Variants in SLC45A4 observed in about 807,000 individuals in gnomAD.
SLC45A4 encodes polyamine-transporter SLC45A4.
A neutral mutation model predicts 63.7 loss-of-function variants in SLC45A4; 32 were observed. The observed-to-expected ratio is 0.50, with a 90% CI of 0.38 to 0.67. The LOEUF is 0.67. Ranked by LOEUF, SLC45A4 falls within the 30% of genes least tolerant of loss-of-function variation. SLC45A4 has a pLI of 0.00. For missense variants in SLC45A4, 1,027 were observed against 1,157.7 expected (o/e 0.89, Z 1.64); for synonymous variants, 535 against 510.0 (o/e 1.05, Z -0.66).
chr8:141,287,685 T>C (rs1313166066), intron 1 of SLC45A4, among the ~76,000 whole-genome samples: 1 of 152,236 alleles, frequency 6.6e-6, no homozygotes, highest in East Asian at 1.9e-4. Context: ...AAGTGCCTCC[T>C]TTCACCTGCC....
At chr8:141,303,686 A>G (rs1830816194) in intron 1 of SLC45A4, among the ~76,000 whole-genome samples, 1 of 152,218 alleles carries the variant, frequency 6.6e-6, no homozygotes, top group African/African-American at 2.4e-5. Context: ...AAAAACTCAG[A>G]GCAAGTAGCA....
chr8:141,220,355 G>A (rs1477512393), intron 3 of SLC45A4, among the ~76,000 whole-genome samples: 1 of 152,222 alleles, frequency 6.6e-6, no homozygotes, highest in African/African-American at 2.4e-5. Context: ...TTGCACACAA[G>A]TTCTCGGGGC....
At chr8:141,248,081 G>A (rs999131034) in intron 2 of SLC45A4, among the ~76,000 whole-genome samples, 1 of 152,158 alleles carries the variant, frequency 6.6e-6, no homozygotes, top group Non-Finnish European at 1.5e-5. Flanking sequence ...TTCAGGCCCA[G>A]GAGTTGAAGC....
chr8:141,223,823 C>T (rs574457086), intron 2 of SLC45A4, among the ~76,000 whole-genome samples: 7 of 152,326 alleles, frequency 4.6e-5, no homozygotes, highest in Non-Finnish European at 1.0e-4. Flanking sequence ...CTGCTCACTC[C>T]TCTCTCTCCA....
At chr8:141,279,058 A>G (rs1473460552) in intron 1 of SLC45A4, among the ~76,000 whole-genome samples, 1 of 151,716 alleles carries the variant, frequency 6.6e-6, no homozygotes, top group Non-Finnish European at 1.5e-5. Flanking sequence ...TCCAGCCTTC[A>G]CCCCAAGACC....
chr8:141,301,738 A>AAAAAAAAAAAAAAAAAAG (rs1830751567), intron 1 of SLC45A4, among the ~76,000 whole-genome samples: 1 of 63,118 alleles, frequency 1.6e-5, no homozygotes, highest in Non-Finnish European at 4.0e-5. Flanking sequence ...CTATCTCAAA[A>AAAAAAAAAAAAAAAAAAG]AAAAAAAAAA....
In SLC45A4 at chr8:141,269,953, T is replaced by C. The variant is rs144580137; in HGVS notation, c.-400-15324A>G. 5.4e-3 allele frequency among the ~76,000 whole-genome samples: 826 copies of C among 152,210 alleles called. 9 individuals carry two copies. Among genetic ancestry groups the C allele is most frequent in the African/African-American group, 0.018 (763 of 41,534 alleles). ...CAGCCCAGTGTGCATGCCCCCAGCATGTCTTTCCCCGCACTCCTCTGCTGA... is the reference window on the plus strand; with the variant it reads ...CAGCCCAGTGTGCATGCCCCCAGCACGTCTTTCCCCGCACTCCTCTGCTGA... On this transcript the variant is annotated intron_variant, in intron 1 of 8. Coordinates refer to ENST00000517878, the MANE Select transcript of SLC45A4 (RefSeq NM_001286646.2).
At chr8:141,277,077 G>A (rs1170335528) in intron 1 of SLC45A4, among the ~76,000 whole-genome samples, 1 of 152,248 alleles carries the variant, frequency 6.6e-6, no homozygotes, top group Admixed American at 6.5e-5. Flanking sequence ...GGCTCTGAAG[G>A]ATGCCCGGCA....
At chr8:141,279,689 G>A (rs1829864153) in intron 1 of SLC45A4, among the ~76,000 whole-genome samples, 3 of 152,282 alleles carry the variant, frequency 2.0e-5, no homozygotes, top group Admixed American at 1.3e-4. Flanking sequence ...CACACGCCCC[G>A]CGCTGGCCGG....
chr8:141,221,393 C>T (rs1358805033), intron 3 of SLC45A4, among the ~76,000 whole-genome samples, 184 bp downstream of exon 3: 1 of 152,268 alleles, frequency 6.6e-6, no homozygotes, highest in Non-Finnish European at 1.5e-5. Flanking sequence ...TCCGGCTTTC[C>T]CACATGGGGC....
intron 1 of SLC45A4, among the ~76,000 whole-genome samples, chr8:141,261,649 A>G (rs1405270987): frequency 2.0e-5 from 3 of 152,218 alleles, no homozygotes; most frequent in Non-Finnish European, 4.4e-5. Context: ...TAAAATACCT[A>G]GGAATCCAAC....
Position 141,229,576 on chromosome 8 carries a change from C to T in SLC45A4, c.242-7811G>A, listed in dbSNP as rs1827232372. On this transcript the variant is annotated intron_variant, in intron 2 of 8. Transcript: ENST00000517878. This position sits in a 1 kb window ranked among gnomAD's most constrained non-coding sequence, Gnocchi z 5.0. Reference sequence around the variant, plus strand: ...GCAGTGGGACCATCCAGGACCGCATCCTAGGAGGCTCTCAACAAGCACGTG... The same window carrying T: ...GCAGTGGGACCATCCAGGACCGCATTCTAGGAGGCTCTCAACAAGCACGTG... Among the ~76,000 whole-genome samples, 1 of 152,078 alleles carries T rather than the reference C, an allele frequency of 6.6e-6. No homozygotes were observed. The highest frequency in any genetic ancestry group is 2.4e-5 in the African/African-American group (1 of 41,430).
At position 141,215,093 on chromosome 8, in the gene SLC45A4, G is replaced by A. The variant is rs563737703; in HGVS notation, c.1941+666C>T. Reference sequence around the variant, plus strand: ...TGGCCGTGCTGCCGCCAGCAAGCACGTGAGTGAATCCTAGAGGATGAAGCC... The same window carrying A: ...TGGCCGTGCTGCCGCCAGCAAGCACATGAGTGAATCCTAGAGGATGAAGCC... On this transcript the variant is annotated intron_variant, in intron 7 of 8. Transcript: ENST00000517878. This position sits in a 1 kb window ranked among gnomAD's most constrained non-coding sequence, Gnocchi z 4.3. 8.5e-5 allele frequency among the ~76,000 whole-genome samples: 13 copies of A among 152,204 alleles called. No homozygotes were observed. The highest frequency in any genetic ancestry group is 2.1e-4 in the South Asian group (1 of 4,836).
At chr8:141,244,173 G>T (rs553579965) in intron 2 of SLC45A4, among the ~76,000 whole-genome samples, 1 of 152,090 alleles carries the variant, frequency 6.6e-6, no homozygotes, top group South Asian at 2.1e-4. Flanking sequence ...GTTCTGTCTC[G>T]GGCACAGTGC....
Position 141,256,828 on chromosome 8 carries a change from C to A in SLC45A4, c.-400-2199G>T. ...GAGTTTCCAAACTGTCACCTTACTG[C>A]AATATTTTTTCAAAAAACTGTGTAA... is the stretch of plus-strand genomic sequence containing the variant. On this transcript the variant is annotated intron_variant, in intron 1 of 8. Coordinates refer to ENST00000517878, the MANE Select transcript of SLC45A4 (RefSeq NM_001286646.2). This position sits in a 1 kb window ranked among gnomAD's most constrained non-coding sequence, Gnocchi z 4.3. 1 of 336,250 alleles carries A rather than the reference C, an allele frequency of 3.0e-6. No homozygotes were observed. 20.8% of individuals were successfully genotyped at this position (336,250 alleles called of 1,614,324 possible). A position where few individuals can be genotyped will look rare whatever the true frequency, so the allele number is the denominator to read the frequency against.
At chr8:141,302,359 TCACCAC>T (rs1225085908) in intron 1 of SLC45A4, among the ~76,000 whole-genome samples, 5 of 145,308 alleles carry the variant, frequency 3.4e-5, no homozygotes, top group African/African-American at 1.4e-4. Context: ...CCACTCACCA[TCACCAC>T]CACCACCACC....
chr8:141,238,289 T>G (rs575531477), intron 2 of SLC45A4, among the ~76,000 whole-genome samples: 1 of 151,196 alleles, frequency 6.6e-6, no homozygotes, highest in Admixed American at 6.6e-5. Flanking sequence ...AAGTCGCCCC[T>G]TTTTTTTTCA....
rs1161916876 is a variant in SLC45A4, at chr8:141,292,455, G to A, written c.-401+15641C>T. Among the ~76,000 whole-genome samples the A allele has an allele frequency of 2.6e-5, 4 of 152,364 alleles. No homozygotes were observed. The East Asian group carries it at 7.7e-4, about 29-fold the overall frequency. ...CCGTGGAGCACAGAGCCCCGCACGC[G>A]CCCAGGGCGGGAGGCTGGCCAAGCA... On this transcript the variant is annotated intron_variant, in intron 1 of 8. Coordinates refer to ENST00000517878, the MANE Select transcript of SLC45A4 (RefSeq NM_001286646.2).
intron 1 of SLC45A4, among the ~76,000 whole-genome samples, chr8:141,307,204 C>G (rs2154615553): frequency 6.6e-6 from 1 of 152,292 alleles, no homozygotes; most frequent in Non-Finnish European, 1.5e-5. Context: ...GTGCTCCAAT[C>G]CAGAGCAGGA....
Sources: gnomAD v4.1 joint callset for allele counts (sites outside exome capture counted in the v4.1 genomes callset) on GRCh38, gnomAD v4.1.1 for gene constraint, Gnocchi (gnomAD v3.1) non-coding constraint, MANE v1.5 for transcripts, NCBI Gene and HGNC (gene_info 2026-07-23, HGNC 2026-07-21) for gene names.